Variants in CACNG2 observed in about 807,000 individuals in gnomAD.
CACNG2 encodes calcium voltage-gated channel auxiliary subunit gamma 2.
In CACNG2, 3 loss-of-function variants were observed where a neutral mutation model predicts 25.9. That is an observed-to-expected ratio of 0.12 (90% CI 0.05 to 0.30). CACNG2 has a LOEUF of 0.30. Among genes scored for constraint, CACNG2 ranks in the 10% least tolerant of loss-of-function variants. The pLI is 1.00. For missense variants in CACNG2, 341 were observed against 432.5 expected (o/e 0.79, Z 1.88); for synonymous variants, 167 against 173.3 (o/e 0.96, Z 0.29).
chr22:36,596,222 CTG>C (rs1935676358), intron 1 of CACNG2, among the ~76,000 whole-genome samples: 1 of 152,194 alleles, frequency 6.6e-6, no homozygotes, highest in Non-Finnish European at 1.5e-5. Context: ...GCTGCTTTCT[CTG>C]TGTTTTCAAC....
intron 2 of CACNG2, among the ~76,000 whole-genome samples, chr22:36,574,553 G>A (rs1342407935): frequency 2.6e-5 from 4 of 152,166 alleles, no homozygotes; most frequent in Non-Finnish European, 4.4e-5. Flanking sequence ...GGCTGAGGCC[G>A]GTGGATCACC....
intron 1 of CACNG2, among the ~76,000 whole-genome samples, chr22:36,649,259 C>T (rs144615043): frequency 2.0e-5 from 3 of 152,294 alleles, no homozygotes; most frequent in Admixed American, 6.5e-5. Flanking sequence ...TGCTAATTCA[C>T]ATCCTGTTTC....
chr22:36,693,895 T>C (rs1003664305), intron 1 of CACNG2, among the ~76,000 whole-genome samples: 1 of 152,238 alleles, frequency 6.6e-6, no homozygotes, highest in African/African-American at 2.4e-5. Context: ...TCATTGTCTG[T>C]TCACTGGGGT....
At chr22:36,659,973 T>C (rs1041782478) in intron 1 of CACNG2, among the ~76,000 whole-genome samples, 1 of 152,076 alleles carries the variant, frequency 6.6e-6, no homozygotes, top group African/African-American at 2.4e-5. Context: ...CAGTGGCTGG[T>C]GGCTTCCAGC....
chr22:36,590,738 C>T (rs1282861837), intron 1 of CACNG2, among the ~76,000 whole-genome samples: 2 of 152,182 alleles, frequency 1.3e-5, no homozygotes, highest in Non-Finnish European at 2.9e-5. Flanking sequence ...CTCGGAAACA[C>T]TCCAGCTTCC....
chr22:36,599,868 T>C (rs547036663), intron 1 of CACNG2, among the ~76,000 whole-genome samples: 2 of 152,362 alleles, frequency 1.3e-5, no homozygotes, highest in South Asian at 4.1e-4. Context: ...ATATGTCTTG[T>C]TCTTTTCAAG....
At chr22:36,583,056 C>A (rs1289884396) in intron 2 of CACNG2, among the ~76,000 whole-genome samples, 1 of 152,068 alleles carries the variant, frequency 6.6e-6, no homozygotes, top group Non-Finnish European at 1.5e-5. Context: ...TCCAGTTCCT[C>A]ATGCTGCAGA....
At chr22:36,651,924 C>T (rs1378811754) in intron 1 of CACNG2, among the ~76,000 whole-genome samples, 4 of 151,890 alleles carry the variant, frequency 2.6e-5, no homozygotes, top group Non-Finnish European at 4.4e-5. Flanking sequence ...AGTGCAGTGG[C>T]GTGATCTCGG....
chr22:36,690,982 C>T (rs1937261764), intron 1 of CACNG2, among the ~76,000 whole-genome samples: 2 of 141,874 alleles, frequency 1.4e-5, no homozygotes, highest in African/African-American at 4.9e-5. Flanking sequence ...TCTCCTCTCC[C>T]ATACCTTGTT....
intron 1 of CACNG2, among the ~76,000 whole-genome samples, chr22:36,679,197 C>CTTCCTTTCTTT (rs1937060219): frequency 1.8e-5 from 1 of 54,786 alleles, no homozygotes; most frequent in African/African-American, 6.9e-5. Flanking sequence ...TTCCTTCCTT[C>CTTCCTTTCTTT]CTTTCTTTCT....
In CACNG2 at chr22:36,683,475, G is replaced by C. The variant is rs1937153984; in HGVS notation, c.211+18891C>G. On this transcript the variant is annotated intron_variant, in intron 1 of 3. Transcript: ENST00000300105. Reference sequence around the variant, plus strand: ...TAAAATCCTACACTATCTCTCTTAGGCTTGTGAGTCATATTATCCCAGCCC... The same window carrying C: ...TAAAATCCTACACTATCTCTCTTAGCCTTGTGAGTCATATTATCCCAGCCC... Among the ~76,000 whole-genome samples, 3 of 152,254 alleles carry C rather than the reference G, an allele frequency of 2.0e-5. No individual in the cohort carries two copies. In the South Asian group the frequency reaches 6.2e-4, roughly 32 times the overall value.
rs529506184 is a variant in CACNG2 at position 36,633,953 on chromosome 22, T to C, written c.212-46405A>G. On this transcript the variant is annotated intron_variant, in intron 1 of 3. Coordinates refer to ENST00000300105, the MANE Select transcript of CACNG2 (RefSeq NM_006078.5). The stretch of plus-strand genomic sequence containing the variant: ...TAAACAATTGCCAAGATGATTCAAA[T>C]AGATGCAGCTCAGAGGCCACCCCAG... Among the ~76,000 whole-genome samples, 8 of 152,288 alleles carry C rather than the reference T, an allele frequency of 5.3e-5. No individual in the cohort carries two copies. The South Asian group carries it at 1.7e-3, about 32-fold the overall frequency.
At chr22:36,591,855 T>C (rs1454742301) in intron 1 of CACNG2, among the ~76,000 whole-genome samples, 4 of 151,430 alleles carry the variant, frequency 2.6e-5, no homozygotes, top group Admixed American at 6.6e-5. Context: ...TGGGCAGACA[T>C]GGTGGGAGGG....
Position 36,564,255 on chromosome 22 carries a change from G to A in CACNG2, c.*96C>T. The A allele has an allele frequency of 9.5e-7, 1 of 1,047,260 alleles. No homozygotes were observed. Among genetic ancestry groups the A allele is most frequent in the Non-Finnish European group, 1.3e-6 (1 of 753,462 alleles). 64.9% of individuals were successfully genotyped at this position (1,047,260 alleles called of 1,614,324 possible). The stretch of plus-strand genomic sequence containing the variant: ...TTTTTGTTTTTTGTTTTTGCTTTTG[G>A]AAGGTCTCCCAGCGGAGGGTCTGGG... On this transcript the variant is annotated 3_prime_UTR_variant, in exon 4 of 4. Coordinates refer to ENST00000300105, the MANE Select transcript of CACNG2 (RefSeq NM_006078.5). This position sits in a 1 kb window ranked among gnomAD's most constrained non-coding sequence, Gnocchi z 6.7.
chr22:36,615,750 G>A (rs1053120398), intron 1 of CACNG2, among the ~76,000 whole-genome samples: 37 of 135,800 alleles, frequency 2.7e-4, no homozygotes, highest in African/African-American at 1.0e-3. Flanking sequence ...GCATGTAGCA[G>A]GTGCTCAGTA....
chr22:36,685,678 T>G (rs1023430750), intron 1 of CACNG2, among the ~76,000 whole-genome samples: 1 of 152,202 alleles, frequency 6.6e-6, no homozygotes, highest in Non-Finnish European at 1.5e-5. Context: ...TATGTTCTCC[T>G]GTGAACTCAG....
chr22:36,579,247 A>G (rs764075627), intron 2 of CACNG2, among the ~76,000 whole-genome samples: 2 of 151,942 alleles, frequency 1.3e-5, no homozygotes, highest in Non-Finnish European at 2.9e-5. Context: ...TCTACTAAAT[A>G]CAAAAAATTA....
chr22:36,607,871 T>C (rs950727642), intron 1 of CACNG2, among the ~76,000 whole-genome samples: 1 of 152,178 alleles, frequency 6.6e-6, no homozygotes, highest in Non-Finnish European at 1.5e-5. Context: ...TAAGCTCTCC[T>C]CTCTTCTCCA....
At chr22:36,697,159 C>T (rs1601461826) in intron 1 of CACNG2, among the ~76,000 whole-genome samples, 1 of 152,310 alleles carries the variant, frequency 6.6e-6, no homozygotes, top group African/African-American at 2.4e-5. Context: ...TTGACTGCTG[C>T]ATTTCCTTAG....
Sources: allele counts gnomAD v4.1 joint callset (sites outside exome capture counted in the v4.1 genomes callset), GRCh38; gene constraint gnomAD v4.1.1; non-coding constraint Gnocchi (gnomAD v3.1); transcripts MANE v1.5; gene names NCBI Gene and HGNC (gene_info 2026-07-23, HGNC 2026-07-21).